SYNC: variants seen among roughly 807,000 people sequenced by gnomAD.
The protein encoded by SYNC is syncoilin, intermediate filament protein.
Under a neutral mutation model 49.5 loss-of-function variants are expected in SYNC, and 38 were observed. The observed-to-expected ratio is 0.77, with a 90% CI of 0.59 to 1.01. The LOEUF (loss-of-function observed/expected upper bound fraction) is 1.01, where lower values mean the gene tolerates loss of function less well. Among genes scored for constraint, SYNC ranks in the 50% least tolerant of loss-of-function variants. The pLI is 0.00. For missense variants in SYNC, 579 were observed against 580.6 expected, an observed-to-expected ratio of 1.00 and a Z score of 0.03; for synonymous variants, 201 against 230.8, an observed-to-expected ratio of 0.87 and a Z score of 1.17.
At position 32,695,219 on chromosome 1, in the gene SYNC, A is replaced by G; in HGVS notation, c.879T>C (p.Asp293=). The G allele has an allele frequency of 1.9e-6, 3 of 1,553,878 alleles. No individual in the cohort carries two copies. Among genetic ancestry groups the G allele is most frequent in the Middle Eastern group, 3.3e-4 (2 of 6,000 alleles). Residue 293 remains aspartate (D), a synonymous_variant, in exon 2 of 5, where the codon GAT becomes GAC. Coordinates refer to ENST00000409190, the MANE Select transcript of SYNC (RefSeq NM_030786.3). The part of the protein sequence containing the change: ...QLSEELAQLR[D]AYQKQKEQLR... ...GCTGCTCCTTCTGCTTCTGATAGGC[A>G]TCCCGGAGCTGGGCCAGTTCCTCTG... is the stretch of plus-strand genomic sequence containing the variant.
chr1:32,684,120 T>A (rs1484813456), intron 3 of SYNC, 31 bp from the exon 4 acceptor site: 1 of 1,610,498 alleles, frequency 6.2e-7, no homozygotes, highest in Admixed American at 1.7e-5. Context: ...TTTCCATGTG[T>A]TTTTGGATAA....
At chr1:32,687,166 C>T (rs912120660) in intron 2 of SYNC, among the ~76,000 whole-genome samples, 42 of 151,932 alleles carry the variant, frequency 2.8e-4, no homozygotes, top group Admixed American at 8.5e-4. Flanking sequence ...TCGAGACCAG[C>T]CTGGCCAACA....
chr1:32,682,422 C>G (rs1337578092), intron 4 of SYNC: 3 of 124,368 alleles, frequency 2.4e-5, no homozygotes, highest in Admixed American at 9.3e-5. Context: ...GACCCCCCAT[C>G]TCTACTAAAA....
At chr1:32,687,448 G>A (rs1253930330) in intron 2 of SYNC, among the ~76,000 whole-genome samples, 4 of 151,248 alleles carry the variant, frequency 2.6e-5, no homozygotes, top group Admixed American at 6.6e-5. Context: ...AGGCCAAGGT[G>A]GATCACGAGG....
In SYNC at chr1:32,695,012, C is replaced by G; in HGVS notation, c.1086G>C (p.Gln362His). The G allele has an allele frequency of 6.2e-7, 1 of 1,614,056 alleles. No homozygotes were observed. The highest frequency in any genetic ancestry group is 1.7e-4 in the Middle Eastern group (1 of 6,036). Reference protein sequence around the residue: ...ERKEAGTKALQRTQAEIQEMK... With the variant: ...ERKEAGTKALHRTQAEIQEMK... ...TTTCCTGGATCTCAGCCTGGGTTCTCTGCAGAGCTTTGGTCCCAGCTTCTT... is the reference window on the plus strand; with the variant it reads ...TTTCCTGGATCTCAGCCTGGGTTCTGTGCAGAGCTTTGGTCCCAGCTTCTT... The change falls in exon 2 of 5, where the codon CAG becomes CAC. Residue 362 changes from glutamine (Q) to histidine (H), a missense_variant. By Grantham distance (24) the Gln-to-His change is conservative (BLOSUM62 0). Coordinates refer to ENST00000409190, the MANE Select transcript of SYNC (RefSeq NM_030786.3).
At chr1:32,701,715 T>TG (rs1195506892) in intron 1 of SYNC, among the ~76,000 whole-genome samples, 1 of 152,132 alleles carries the variant, frequency 6.6e-6, no homozygotes, top group African/African-American at 2.4e-5. Context: ...CCAGCTTAGT[T>TG]GGGGCCCCTG....
At chr1:32,684,421 CAAT>C (rs760301038) in intron 2 of SYNC, 39 bp from the exon 3 acceptor site, 32 of 1,612,894 alleles carry the variant, frequency 2.0e-5, no homozygotes, top group Admixed American at 3.3e-5. Context: ...ATGAGCCAAA[CAAT>C]AAAAACTCAC....
intron 2 of SYNC, among the ~76,000 whole-genome samples, chr1:32,692,831 C>G (rs1225020039): frequency 6.6e-6 from 1 of 151,834 alleles, no homozygotes; most frequent in South Asian, 2.1e-4. Context: ...ATGGTGAAAC[C>G]CCATCTCTAC....
intron 1 of SYNC, among the ~76,000 whole-genome samples, chr1:32,699,868 G>A (rs938304774): frequency 1.3e-5 from 2 of 151,694 alleles, no homozygotes; most frequent in Non-Finnish European, 2.9e-5. Context: ...GAGTAGCTGA[G>A]ACTACAGGCG....
At chr1:32,690,916 G>A (rs927197430) in intron 2 of SYNC, among the ~76,000 whole-genome samples, 3 of 151,644 alleles carry the variant, frequency 2.0e-5, no homozygotes, top group East Asian at 1.9e-4. Context: ...GTGAAACCCC[G>A]TCCCTACTAT....
At chr1:32,689,666 G>A (rs563226898) in intron 2 of SYNC, among the ~76,000 whole-genome samples, 2 of 152,220 alleles carry the variant, frequency 1.3e-5, no homozygotes, top group East Asian at 3.9e-4. Flanking sequence ...TGATGGGCCG[G>A]GCGTGGTGGC....
At chr1:32,694,482 G>A (rs896491957) in intron 2 of SYNC, among the ~76,000 whole-genome samples, 4 of 151,638 alleles carry the variant, frequency 2.6e-5, no homozygotes, top group East Asian at 3.9e-4. Flanking sequence ...GTGAAACCCC[G>A]ACTCTACTAA....
chr1:32,701,731 G>A (rs962156928), intron 1 of SYNC, among the ~76,000 whole-genome samples: 27 of 152,140 alleles, frequency 1.8e-4, no homozygotes, highest in Non-Finnish European at 1.5e-4. Context: ...CCCTGACCTC[G>A]GGCTTCCTTG....
At chr1:32,687,349 G>T (rs530141355) in intron 2 of SYNC, among the ~76,000 whole-genome samples, 5 of 118,360 alleles carry the variant, frequency 4.2e-5, no homozygotes, top group Non-Finnish European at 8.5e-5. Flanking sequence ...GGACAAGAGC[G>T]AGACTTCATC....
chr1:32,692,698 A>T (rs905347592), intron 2 of SYNC, among the ~76,000 whole-genome samples: 1 of 151,916 alleles, frequency 6.6e-6, no homozygotes, highest in African/African-American at 2.4e-5. Flanking sequence ...GTGAGCTGAG[A>T]TCATGCCACT....
intron 1 of SYNC, among the ~76,000 whole-genome samples, chr1:32,700,840 C>T (rs559824031): frequency 1.3e-5 from 2 of 152,192 alleles, no homozygotes; most frequent in African/African-American, 4.8e-5. Flanking sequence ...TATTTACCAC[C>T]CTCCTAGGAT....
At position 32,694,950 on chromosome 1, in the gene SYNC, C is replaced by T. The variant is rs1324814269; in HGVS notation, c.1148G>A (p.Arg383Gln). Residue 383 changes from arginine (R) to glutamine (Q), a missense_variant, in exon 2 of 5, where the codon CGG becomes CAG. Transcript: ENST00000409190. ...GTTCCTGTTTTGCAGGCGGAGCTGC[C>T]GGGCCTCTGCTTGCAGGGGTCTCAG... ...EALRPLQAEA[R>Q]QLRLQNRNLE... is the part of the protein sequence containing the mutation. The T allele has an allele frequency of 2.5e-6, 4 of 1,613,766 alleles. No individual in the cohort carries two copies. The highest frequency in any genetic ancestry group is 1.6e-4 in the Middle Eastern group (1 of 6,084).
chr1:32,681,787 C>T lies in SYNC; in HGVS notation c.*63G>A. The stretch of plus-strand genomic sequence containing the variant: ...GTTGGAAGAGTACATCCAAAGGGTA[C>T]TTAGTGATCCTTTGCTAAGAAGTTT... On this transcript the variant is annotated 3_prime_UTR_variant, in exon 5 of 5. Transcript: ENST00000409190. 4 of 1,613,892 alleles carry T rather than the reference C, an allele frequency of 2.5e-6. No individual in the cohort carries two copies. Among genetic ancestry groups the T allele is most frequent in the Non-Finnish European group, 3.4e-6 (4 of 1,179,792 alleles).
intron 2 of SYNC, among the ~76,000 whole-genome samples, chr1:32,691,660 G>A (rs1650174174): frequency 6.6e-6 from 1 of 152,014 alleles, no homozygotes. Context: ...CTTGTCACCT[G>A]CAGCCAAGTT....
Sources: gnomAD v4.1 joint callset for allele counts (sites outside exome capture counted in the v4.1 genomes callset) on GRCh38, gnomAD v4.1.1 for gene constraint, MANE v1.5 for transcripts, NCBI Gene and HGNC (gene_info 2026-07-23, HGNC 2026-07-21) for gene names.